The following AAK1 variants were observed in gnomAD, a reference collection of about 807,000 sequenced individuals.
AAK1 encodes AP2 associated kinase 1, also known as AP2-associated protein kinase 1.
Under a neutral mutation model 116.0 loss-of-function variants are expected in AAK1, and 37 were observed. The observed-to-expected ratio is 0.32, with a 90% CI of 0.25 to 0.42. The LOEUF (loss-of-function observed/expected upper bound fraction) is 0.42. Among genes scored for constraint, AAK1 ranks in the 10% least tolerant of loss-of-function variants. AAK1 has a pLI of 1.00. For synonymous variants in AAK1, 458 were observed against 439.9 expected, an observed-to-expected ratio of 1.04 and a Z score of -0.51; for missense variants, 919 against 1,170.6, an observed-to-expected ratio of 0.79 and a Z score of 3.14.
intron 2 of AAK1, among the ~76,000 whole-genome samples, chr2:69,579,446 G>A (rs1386179209): frequency 6.6e-6 from 1 of 152,164 alleles, no homozygotes; most frequent in Non-Finnish European, 1.5e-5. Context: ...GGGTGTGGTG[G>A]TGCATGCCTA....
chr2:69,637,180 T>C (rs938297301), intron 2 of AAK1, among the ~76,000 whole-genome samples: 1 of 152,226 alleles, frequency 6.6e-6, no homozygotes, highest in African/African-American at 2.4e-5. Flanking sequence ...TCTTCTACCT[T>C]GTCCATCTAG....
chr2:69,589,700 C>A (rs2105165861), intron 2 of AAK1, among the ~76,000 whole-genome samples: 1 of 130,480 alleles, frequency 7.7e-6, no homozygotes. Context: ...CAAAGAGAAA[C>A]TCTGTCTCAA....
chr2:69,615,216 C>G (rs890008782), intron 2 of AAK1, among the ~76,000 whole-genome samples: 2 of 152,164 alleles, frequency 1.3e-5, no homozygotes, highest in African/African-American at 4.8e-5. Context: ...ATGTGGACTT[C>G]GACCTCAGCT....
chr2:69,551,089 TACAC>T (rs145389086), intron 3 of AAK1, among the ~76,000 whole-genome samples: 11 of 150,266 alleles, frequency 7.3e-5, no homozygotes, highest in Non-Finnish European at 1.0e-4. Flanking sequence ...GTATTATGTA[TACAC>T]ACACACACAC....
chr2:69,536,844 C>T (rs1015000359), intron 5 of AAK1, among the ~76,000 whole-genome samples: 2 of 152,206 alleles, frequency 1.3e-5, no homozygotes, highest in African/African-American at 4.8e-5. Flanking sequence ...TAGATGAATG[C>T]AGGTTTTCAA....
chr2:69,503,106 T>A (rs962755598), intron 16 of AAK1, among the ~76,000 whole-genome samples: 2 of 152,212 alleles, frequency 1.3e-5, no homozygotes, highest in Non-Finnish European at 2.9e-5. Context: ...TTGGTCATAG[T>A]GCAATGAAAA....
At chr2:69,525,551 C>T (rs1558935313) in intron 9 of AAK1, among the ~76,000 whole-genome samples, 2 of 152,224 alleles carry the variant, frequency 1.3e-5, no homozygotes, top group Non-Finnish European at 2.9e-5. Flanking sequence ...AACCAGGGTG[C>T]ACTGAGTCTG....
intron 3 of AAK1, among the ~76,000 whole-genome samples, chr2:69,552,667 C>T (rs1439332788): frequency 1.3e-5 from 2 of 151,914 alleles, no homozygotes; most frequent in African/African-American, 4.8e-5. Flanking sequence ...GCCGGGATTG[C>T]ACCACTGCAC....
At chr2:69,626,048 A>C (rs10167868) in intron 2 of AAK1, among the ~76,000 whole-genome samples, 20,027 of 152,002 alleles carry the variant, frequency 0.13, 3,061 homozygotes, top group African/African-American at 0.36. Context: ...AGGTCAGTGA[A>C]TGAAGTACCC....
At chr2:69,519,573 C>G (rs915319322) in intron 11 of AAK1, among the ~76,000 whole-genome samples, 1 of 152,244 alleles carries the variant, frequency 6.6e-6, no homozygotes, top group Admixed American at 6.5e-5. Flanking sequence ...TATGCACAAG[C>G]TTTGCCCCTC....
At chr2:69,636,821 T>C (rs1005925156) in intron 2 of AAK1, among the ~76,000 whole-genome samples, 1 of 151,958 alleles carries the variant, frequency 6.6e-6, no homozygotes, top group Admixed American at 6.6e-5. Context: ...TGCCTTAGCC[T>C]CCCAAGTAGC....
At chr2:69,613,811 A>C (rs956685635) in intron 2 of AAK1, among the ~76,000 whole-genome samples, 2 of 152,316 alleles carry the variant, frequency 1.3e-5, no homozygotes, top group Admixed American at 6.5e-5. Flanking sequence ...TGATAAACAT[A>C]AAGTATTTCC....
chr2:69,627,657 T>C (rs2105251460), intron 2 of AAK1, among the ~76,000 whole-genome samples: 1 of 152,348 alleles, frequency 6.6e-6, no homozygotes, highest in South Asian at 2.1e-4. Flanking sequence ...TGTAGGGGTT[T>C]GCAGGTCAGT....
chr2:69,638,854 T>G (rs1278375255), intron 2 of AAK1, among the ~76,000 whole-genome samples: 1 of 152,186 alleles, frequency 6.6e-6, no homozygotes. Flanking sequence ...CACGCTTAAG[T>G]GCTGGACACT....
At chr2:69,637,105 C>A (rs891185359) in intron 2 of AAK1, among the ~76,000 whole-genome samples, 3 of 152,208 alleles carry the variant, frequency 2.0e-5, no homozygotes, top group Admixed American at 6.5e-5. Flanking sequence ...CATACAGCTC[C>A]CCAGTAAGCA....
chr2:69,626,663 CT>C (rs1205180498), intron 2 of AAK1, among the ~76,000 whole-genome samples: 71 of 125,518 alleles, frequency 5.7e-4, no homozygotes, highest in Admixed American at 9.1e-4. Flanking sequence ...CCATGCCTGG[CT>C]TTTTTTTTTT....
intron 3 of AAK1, among the ~76,000 whole-genome samples, chr2:69,551,261 A>G (rs933773667): frequency 1.3e-5 from 2 of 152,114 alleles, no homozygotes; most frequent in African/African-American, 2.4e-5. Flanking sequence ...AGGGAGAGAG[A>G]GCATCAGGAA....
chr2:69,473,994 C>G lies in AAK1; in HGVS notation c.*1875G>C. 2 of 985,804 alleles carry G rather than the reference C, an allele frequency of 2.0e-6. No homozygotes were observed. The highest frequency in any genetic ancestry group is 2.4e-6 in the Non-Finnish European group (2 of 829,942). The allele number at this position is 985,804 out of a possible 1,614,324, so 61.1% of individuals were successfully genotyped here. A position where few individuals can be genotyped will look rare whatever the true frequency, so the allele number is the denominator to read the frequency against. Reference sequence around the variant, plus strand: ...TGCCTCTCTCAGTTTTGGAAATGGTCTGTTATTCAACTAGAGGCCTTTACC... The same window carrying G: ...TGCCTCTCTCAGTTTTGGAAATGGTGTGTTATTCAACTAGAGGCCTTTACC... On this transcript the variant is annotated 3_prime_UTR_variant, in exon 22 of 22. Coordinates refer to ENST00000409085, the MANE Select transcript of AAK1 (RefSeq NM_014911.5).
At chr2:69,620,735 G>T (rs1159292723) in intron 2 of AAK1, among the ~76,000 whole-genome samples, 1 of 152,070 alleles carries the variant, frequency 6.6e-6, no homozygotes, top group Non-Finnish European at 1.5e-5. Context: ...TTCCTTCTCT[G>T]TCACCTTTAA....
Sources: allele counts gnomAD v4.1 joint callset (sites outside exome capture counted in the v4.1 genomes callset), GRCh38; gene constraint gnomAD v4.1.1; transcripts MANE v1.5; gene names NCBI Gene and HGNC (gene_info 2026-07-23, HGNC 2026-07-21).